FCGR1A: variants seen among roughly 807,000 people sequenced by gnomAD.
FCGR1A encodes the protein high affinity immunoglobulin gamma Fc receptor I.
A neutral mutation model predicts 35.0 loss-of-function variants in FCGR1A; 13 were observed. The ratio of observed to expected loss-of-function variants is 0.37; its 90% CI spans 0.24 to 0.59. The LOEUF (loss-of-function observed/expected upper bound fraction) is 0.59. FCGR1A is among the 20% of genes least tolerant of loss of function. The pLI is 0.71. For synonymous variants in FCGR1A, 91 were observed against 164.7 expected, an observed-to-expected ratio of 0.55 and a Z score of 3.43; for missense variants, 227 against 430.0, an observed-to-expected ratio of 0.53 and a Z score of 4.17.
chr1:149,788,642 A>G, intron 4 of FCGR1A, 25 bp downstream of exon 4: 1 of 1,613,824 alleles, frequency 6.2e-7, no homozygotes. Flanking sequence ...TAGTCATAGA[A>G]CTGATAGTCC....
chr1:149,785,500 T>C (rs2091524099), intron 3 of FCGR1A, among the ~76,000 whole-genome samples: 1 of 132,942 alleles, frequency 7.5e-6, no homozygotes, highest in African/African-American at 2.8e-5. Context: ...CACTGCAACC[T>C]CTGACAGAGC....
chr1:149,786,720 A>G (rs1355287018), intron 3 of FCGR1A: 1 of 152,208 alleles, frequency 6.6e-6, no homozygotes, highest in African/African-American at 2.4e-5. Flanking sequence ...GATATATAAT[A>G]CTACCATTAC....
the FCGR1A span, among the ~76,000 whole-genome samples, chr1:149,798,774 G>A: frequency 1.3e-5 from 2 of 152,054 alleles, no homozygotes; most frequent in African/African-American, 2.4e-5. Flanking sequence ...ACCATGCCTG[G>A]CTAATATTTT....
chr1:149,788,669 A>G (rs1272949330), intron 4 of FCGR1A, 52 bp downstream of exon 4: 1 of 1,583,008 alleles, frequency 6.3e-7, no homozygotes, highest in Non-Finnish European at 8.6e-7. Flanking sequence ...CTGAGGGACC[A>G]TCATAAATAT....
At chr1:149,799,977 C>T in the FCGR1A span, among the ~76,000 whole-genome samples, 11 of 152,070 alleles carry the variant, frequency 7.2e-5, no homozygotes, top group African/African-American at 2.4e-4. Context: ...CAGGAGATCC[C>T]ACAGGTTGAG....
intron 4 of FCGR1A, 72 bp from the exon 5 acceptor site, chr1:149,789,982 A>G: frequency 6.2e-7 from 1 of 1,612,924 alleles, no homozygotes; most frequent in Admixed American, 1.7e-5. Context: ...AAGGGGGTAA[A>G]GGGCATGTCT....
At position 149,784,059 on chromosome 1, in the gene FCGR1A, G is replaced by A; in HGVS notation, c.109G>A (p.Glu37Lys). 1 of 1,610,748 alleles carries A rather than the reference G, an allele frequency of 6.2e-7. No individual in the cohort carries two copies. Among genetic ancestry groups the A allele is most frequent in the African/African-American group, 1.3e-5 (1 of 74,192 alleles). ...QPPWVSVFQE[E>K]TVTLHCEVLH... is the part of the protein sequence containing the mutation. ...TCCATGGGTCAGCGTGTTCCAAGAGGAAACCGTAACCTTGCACTGTGAGGT... is the reference window on the plus strand; with the variant it reads ...TCCATGGGTCAGCGTGTTCCAAGAGAAAACCGTAACCTTGCACTGTGAGGT... Residue 37 changes from glutamate to lysine, a missense_variant, in exon 3 of 6, where the codon GAA (glutamate) becomes AAA (lysine). Coordinates refer to ENST00000369168, the MANE Select transcript of FCGR1A (RefSeq NM_000566.4).
intron 4 of FCGR1A, among the ~76,000 whole-genome samples, 192 bp from the exon 5 acceptor site, chr1:149,789,862 G>C (rs2091657233): frequency 6.6e-6 from 1 of 152,186 alleles, no homozygotes; most frequent in Admixed American, 6.5e-5. Context: ...GTAGGACTCA[G>C]CAAGCTGGCA....
the FCGR1A span, among the ~76,000 whole-genome samples, chr1:149,798,335 T>C: frequency 6.7e-6 from 1 of 149,866 alleles, no homozygotes; most frequent in Non-Finnish European, 1.5e-5. Flanking sequence ...ACTTTCCTAT[T>C]TTGAATATAA....
chr1:149,792,590 G>A, downstream of FCGR1A: 1 of 1,202,734 alleles, frequency 8.3e-7, no homozygotes, highest in Non-Finnish European at 1.1e-6. Flanking sequence ...CTCCGAGCGT[G>A]TCCCGCGGCG....
chr1:149,792,686 C>T (rs782784349), downstream of FCGR1A: 15 of 1,280,934 alleles, frequency 1.2e-5, 1 homozygote, highest in Middle Eastern at 9.5e-4. Context: ...GCCCGGGGAC[C>T]CAGCTGCGGC....
chr1:149,792,694 G>C (rs1317142824), downstream of FCGR1A: 20 of 1,281,798 alleles, frequency 1.6e-5, 1 homozygote, highest in African/African-American at 4.7e-5. Flanking sequence ...ACCCAGCTGC[G>C]GCGAAAGCTG....
chr1:149,789,665 G>A (rs1310013334), intron 4 of FCGR1A, among the ~76,000 whole-genome samples: 1 of 152,114 alleles, frequency 6.6e-6, no homozygotes, highest in Non-Finnish European at 1.5e-5. Flanking sequence ...TCCAATCAGT[G>A]GCAACATTAG....
At chr1:149,792,848 G>T (rs1452676438), downstream of FCGR1A, 9 of 1,270,320 alleles carry the variant, frequency 7.1e-6, no homozygotes, top group East Asian at 5.8e-5. Context: ...AGAGAGCAAG[G>T]GGTCGCCGTT....
chr1:149,796,623 GC>G (rs1553752819), downstream of FCGR1A, among the ~76,000 whole-genome samples: 1 of 152,090 alleles, frequency 6.6e-6, no homozygotes, highest in Non-Finnish European at 1.5e-5. Context: ...TCAGGATATG[GC>G]TGAATTAAAA....
the FCGR1A span, among the ~76,000 whole-genome samples, chr1:149,797,165 G>A: frequency 3.9e-5 from 6 of 152,114 alleles, no homozygotes; most frequent in African/African-American, 9.7e-5. Flanking sequence ...CACCCACCTC[G>A]CCCTCCCAAA....
downstream of FCGR1A, chr1:149,793,034 G>C (rs1421979201): frequency 1.5e-5 from 19 of 1,263,558 alleles, no homozygotes; most frequent in Admixed American, 7.7e-5. Flanking sequence ...GGGCCCGCCA[G>C]CTCCCGGGCC....
Position 149,791,314 on chromosome 1 carries a change from G to C in FCGR1A, c.922G>C (p.Val308Leu). The part of the protein sequence containing the change: ...AVGIMFLVNT[V>L]LWVTIRKELK... ...GGGAATAATGTTTTTAGTGAACACT[G>C]TTCTCTGGGTGACAATACGTAAAGA... is the stretch of plus-strand genomic sequence containing the variant. Residue 308 changes from valine to leucine, a missense_variant, in exon 6 of 6, where the codon GTT becomes CTT. Physicochemically the swap from Val to Leu is conservative, Grantham distance 32. Around this residue, in one of 3 missense-constraint regions of FCGR1A, gnomAD observed 39 missense variants for 101.3 expected, o/e 0.38. Transcript: ENST00000369168. 1 of 1,598,924 alleles carries C rather than the reference G, an allele frequency of 6.3e-7. No homozygotes were observed. The highest frequency in any genetic ancestry group is 8.5e-7 in the Non-Finnish European group (1 of 1,173,582).
At chr1:149,782,894 T>G (rs2091456679) in intron 1 of FCGR1A, 120 bp downstream of exon 1, 1 of 1,603,510 alleles carries the variant, frequency 6.2e-7, no homozygotes, top group African/African-American at 1.3e-5. Context: ...AACTTGTATC[T>G]GTGCTTCCAT....
Sources: allele counts gnomAD v4.1 joint callset (sites outside exome capture counted in the v4.1 genomes callset), GRCh38; gene constraint gnomAD v4.1.1; regional missense constraint gnomAD v4.1.1; transcripts MANE v1.5; gene names NCBI Gene and HGNC (gene_info 2026-07-23, HGNC 2026-07-21).